The following DECR1 variants were observed in gnomAD, a reference collection of about 807,000 sequenced individuals.
The protein encoded by DECR1 is 2,4-dienoyl-CoA reductase [(3E)-enoyl-CoA-producing], mitochondrial.
DECR1 carries 44 observed loss-of-function variants against 38.8 expected under a neutral mutation model. The ratio of observed to expected loss-of-function variants is 1.13; its 90% confidence interval spans 0.89 to 1.46. The LOEUF is 1.46. DECR1 is among the 40% of genes most tolerant of loss of function. The pLI is 0.00. For missense variants in DECR1, 428 were observed against 405.5 expected (o/e 1.06, Z -0.48); for synonymous variants, 148 against 135.2 (o/e 1.09, Z -0.66).
At chr8:90,004,389 A>G (rs894478346) in intron 1 of DECR1, among the ~76,000 whole-genome samples, 4 of 152,214 alleles carry the variant, frequency 2.6e-5, no homozygotes, top group Non-Finnish European at 5.9e-5. Context: ...TCAAGAGTAA[A>G]ATCACTATTT....
intron 1 of DECR1, among the ~76,000 whole-genome samples, chr8:90,015,112 C>T (rs555158548): frequency 1.1e-4 from 17 of 151,994 alleles, no homozygotes; most frequent in Non-Finnish European, 2.1e-4. Flanking sequence ...AAGATCTAAT[C>T]ATACTTATTG....
intron 5 of DECR1, among the ~76,000 whole-genome samples, chr8:90,028,396 T>C (rs1166049422): frequency 6.6e-6 from 1 of 152,174 alleles, no homozygotes; most frequent in Non-Finnish European, 1.5e-5. Context: ...TTTTTTTTGC[T>C]TTTCTTGCAT....
chr8:90,002,312 CAA>C (rs1812637006), intron 1 of DECR1, among the ~76,000 whole-genome samples: 1 of 151,990 alleles, frequency 6.6e-6, no homozygotes, highest in African/African-American at 2.4e-5. Flanking sequence ...AAAAATGAAA[CAA>C]AAACAAAACC....
chr8:90,048,586 C>A (rs923275853), intron 8 of DECR1, among the ~76,000 whole-genome samples: 1 of 152,184 alleles, frequency 6.6e-6, no homozygotes, highest in Admixed American at 6.5e-5. Context: ...GACAGATTCA[C>A]AGCCAAATTC....
chr8:90,016,494 C>T (rs977670231), intron 1 of DECR1, among the ~76,000 whole-genome samples: 24 of 151,938 alleles, frequency 1.6e-4, no homozygotes, highest in Admixed American at 5.9e-4. Context: ...AATTTAACGG[C>T]GTGGTGGTGT....
At chr8:90,047,910 T>C (rs191166953) in intron 8 of DECR1, among the ~76,000 whole-genome samples, 164 of 152,354 alleles carry the variant, frequency 1.1e-3, no homozygotes, top group African/African-American at 3.6e-3. Flanking sequence ...ACATGGAAAC[T>C]GAACAACCTG....
chr8:90,023,388 T>G (rs955425136), intron 5 of DECR1, among the ~76,000 whole-genome samples: 2 of 130,352 alleles, frequency 1.5e-5, no homozygotes, highest in African/African-American at 3.4e-5. Flanking sequence ...GTTATTACAG[T>G]TTTTTTTTGT....
chr8:90,020,935 T>A lies in DECR1; in HGVS notation c.444T>A (p.Asn148Lys). The A allele has an allele frequency of 6.3e-7, 1 of 1,580,596 alleles. No individual in the cohort carries two copies. Among genetic ancestry groups the A allele is most frequent in the Non-Finnish European group, 8.6e-7 (1 of 1,167,784 alleles). The change falls in exon 5 of 10, where the codon AAT becomes AAA. Residue 148 changes from asparagine (N) to lysine (K), a missense_variant. Physicochemically the swap from Asn to Lys is moderately conservative, Grantham distance 94 (BLOSUM62 0). Transcript: ENST00000220764. Reference protein sequence around the residue: ...PNIVINNAAGNFISPTERLSP... With the variant: ...PNIVINNAAGKFISPTERLSP... ...TTGTGATAAACAATGCAGCAGGGAATTTTATTTCTCCTACTGAAAGACTTT... is the reference window on the plus strand; with the variant it reads ...TTGTGATAAACAATGCAGCAGGGAAATTTATTTCTCCTACTGAAAGACTTT...
chr8:90,021,644 A>T (rs1281346834), intron 5 of DECR1, among the ~76,000 whole-genome samples: 1 of 152,250 alleles, frequency 6.6e-6, no homozygotes, highest in Non-Finnish European at 1.5e-5. Context: ...AAGATGGATG[A>T]TAAAAGGAGT....
intron 5 of DECR1, among the ~76,000 whole-genome samples, chr8:90,027,972 T>G (rs547682482): frequency 6.6e-5 from 10 of 152,262 alleles, no homozygotes; most frequent in African/African-American, 2.4e-4. Flanking sequence ...CTAGATTTGT[T>G]TTGCTGAAAT....
chr8:90,021,096 T>C, intron 5 of DECR1, 40 bp downstream of exon 5: 1 of 1,517,720 alleles, frequency 6.6e-7, no homozygotes, highest in Non-Finnish European at 8.8e-7. Flanking sequence ...TTGGCTTCTG[T>C]GTGTGCAAGG....
chr8:90,039,366 A>G (rs372903850), intron 6 of DECR1, among the ~76,000 whole-genome samples: 8 of 152,154 alleles, frequency 5.3e-5, no homozygotes, highest in South Asian at 4.1e-4. Flanking sequence ...GGTGGAAGGC[A>G]CCTCTTCACA....
intron 1 of DECR1, among the ~76,000 whole-genome samples, chr8:90,006,582 G>C (rs1372546324): frequency 1.3e-5 from 2 of 152,158 alleles, no homozygotes; most frequent in Non-Finnish European, 2.9e-5. Context: ...TGGCCTCAAC[G>C]AGGGCATGCA....
At chr8:90,051,797 CAT>C (rs1324999113) in intron 9 of DECR1, 39 bp from the exon 10 acceptor site, 76 of 1,612,472 alleles carry the variant, frequency 4.7e-5, no homozygotes, top group Non-Finnish European at 6.4e-5. Context: ...GCTTTAAAAA[CAT>C]GTAAAAAGGA....
At chr8:90,001,826 T>C (rs955963529) in intron 1 of DECR1, among the ~76,000 whole-genome samples, 1 of 142,630 alleles carries the variant, frequency 7.0e-6, no homozygotes, top group Non-Finnish European at 1.5e-5. Flanking sequence ...TCTGGAGCGC[T>C]AAGAGAGCAC....
At chr8:90,018,746 G>T (rs1258463201) in intron 2 of DECR1, 163 bp from the exon 3 acceptor site, 1 of 600,990 alleles carries the variant, frequency 1.7e-6, no homozygotes, top group Admixed American at 3.0e-5. Flanking sequence ...ATATAAAAAT[G>T]ATCTAAATTT....
intron 1 of DECR1, among the ~76,000 whole-genome samples, chr8:90,010,056 C>T (rs1041640118): frequency 6.6e-6 from 1 of 152,186 alleles, no homozygotes; most frequent in South Asian, 2.1e-4. Flanking sequence ...GCTTGGAGTC[C>T]AGCTGGGCAG....
chr8:90,026,912 G>C (rs563014782), intron 5 of DECR1, among the ~76,000 whole-genome samples: 1 of 152,116 alleles, frequency 6.6e-6, no homozygotes, highest in Admixed American at 6.6e-5. Flanking sequence ...AGAGATTCTG[G>C]TATGTTGTGT....
At chr8:90,020,250 C>G (rs1000553081) in intron 4 of DECR1, among the ~76,000 whole-genome samples, 6 of 152,172 alleles carry the variant, frequency 3.9e-5, no homozygotes, top group Admixed American at 1.3e-4. Flanking sequence ...AGATCATCAA[C>G]CACAAGCTGC....
Sources: gnomAD v4.1 joint callset for allele counts (sites outside exome capture counted in the v4.1 genomes callset) on GRCh38, gnomAD v4.1.1 for gene constraint, MANE v1.5 for transcripts, NCBI Gene and HGNC (gene_info 2026-07-23, HGNC 2026-07-21) for gene names.